The following SULT1B1 variants were observed in gnomAD, a reference collection of about 807,000 sequenced individuals.
SULT1B1 encodes sulfotransferase family 1B member 1.
A neutral mutation model predicts 34.6 loss-of-function variants in SULT1B1; 28 were observed. The ratio of observed to expected loss-of-function variants is 0.81; its 90% CI spans 0.60 to 1.11. The LOEUF (loss-of-function observed/expected upper bound fraction) is 1.11. Among genes scored for constraint, SULT1B1 ranks in the 50% least tolerant of loss-of-function variants. The pLI, the probability that SULT1B1 is intolerant of heterozygous loss-of-function variation, is 0.00. For missense variants in SULT1B1, 374 were observed against 352.2 expected (o/e 1.06, Z -0.50); for synonymous variants, 147 against 110.2 (o/e 1.33, Z -2.09).
chr4:69,757,862 G>T (rs1295695780), intron 1 of SULT1B1, among the ~76,000 whole-genome samples: 1 of 152,064 alleles, frequency 6.6e-6, no homozygotes, highest in Non-Finnish European at 1.5e-5. Flanking sequence ...GGAGTTGCAG[G>T]CCTCAAAAAC....
intron 1 of SULT1B1, among the ~76,000 whole-genome samples, chr4:69,759,170 A>G (rs1207413303): frequency 2.0e-5 from 3 of 152,204 alleles, no homozygotes; most frequent in Admixed American, 6.5e-5. Flanking sequence ...TGAAATGATA[A>G]GTCTTACTTG....
At chr4:69,750,886 GA>G (rs1167786590) in intron 3 of SULT1B1, among the ~76,000 whole-genome samples, 1 of 151,994 alleles carries the variant, frequency 6.6e-6, no homozygotes, top group Non-Finnish European at 1.5e-5. Context: ...TTAATATGAA[GA>G]AGCCTATTTA....
chr4:69,758,592 GT>G, intron 1 of SULT1B1: 3 of 494,484 alleles, frequency 6.1e-6, no homozygotes, highest in Non-Finnish European at 7.9e-6. Flanking sequence ...AGAATGTAAT[GT>G]TTAGTAGCAG....
chr4:69,749,839 T>C lies in SULT1B1; in HGVS notation c.278-21A>G, dbSNP rs762587868. On this transcript the variant is annotated intron_variant, in intron 3 of 7. Coordinates refer to ENST00000310613, the MANE Select transcript of SULT1B1 (RefSeq NM_014465.4). Reference sequence around the variant, plus strand: ...TATACCTGAGAAATTTAGTTAAGTATAGGGAAATATTAGAGTCTCCAGAAA... The same window carrying C: ...TATACCTGAGAAATTTAGTTAAGTACAGGGAAATATTAGAGTCTCCAGAAA... 5 of 1,576,610 alleles carry C rather than the reference T, an allele frequency of 3.2e-6. No individual in the cohort carries two copies. In the East Asian group the frequency reaches 9.0e-5, roughly 28 times the overall value.
chr4:69,755,553 C>T (rs1156231938), intron 1 of SULT1B1, among the ~76,000 whole-genome samples: 1 of 152,088 alleles, frequency 6.6e-6, no homozygotes, highest in East Asian at 1.9e-4. Flanking sequence ...ACAATCTGAA[C>T]AATCTGACTT....
intron 4 of SULT1B1, among the ~76,000 whole-genome samples, chr4:69,745,029 T>C (rs1171146363): frequency 6.6e-6 from 1 of 152,198 alleles, no homozygotes; most frequent in Non-Finnish European, 1.5e-5. Context: ...TCTGTGTAAT[T>C]GTAGGGTTTT....
chr4:69,734,641 G>A (rs1718226882), intron 4 of SULT1B1, among the ~76,000 whole-genome samples: 2 of 151,904 alleles, frequency 1.3e-5, no homozygotes, highest in South Asian at 4.2e-4. Flanking sequence ...TAACAAAATT[G>A]TGGGAAAAAA....
At chr4:69,737,645 CTG>C (rs1035581925) in intron 4 of SULT1B1, among the ~76,000 whole-genome samples, 4 of 152,116 alleles carry the variant, frequency 2.6e-5, no homozygotes, top group Non-Finnish European at 5.9e-5. Flanking sequence ...CACCATTAGA[CTG>C]TGATGAATTA....
intron 5 of SULT1B1, 51 bp downstream of exon 5, chr4:69,734,087 G>C: frequency 2.2e-6 from 3 of 1,367,152 alleles, no homozygotes; most frequent in South Asian, 1.5e-5. Context: ...ATTGTTAATA[G>C]TATTATTAAA....
rs950320776 is a variant in SULT1B1 at position 69,723,239 on chromosome 4, A to G, written c.*3849T>C. Reference sequence around the variant, plus strand: ...ATACAAACTACCGTCAGAGAATACTAAAAACACCTCTACGCAAATAAACTA... The same window carrying G: ...ATACAAACTACCGTCAGAGAATACTGAAAACACCTCTACGCAAATAAACTA... On this transcript the variant is annotated 3_prime_UTR_variant, in exon 8 of 8. Transcript: ENST00000310613. 27 of 152,150 alleles carry G rather than the reference A, an allele frequency of 1.8e-4. No homozygotes were observed. The highest frequency in any genetic ancestry group is 1.5e-5 in the Non-Finnish European group (1 of 68,010). The allele number at this position is 152,150 out of a possible 1,614,324, so 9.4% of individuals were successfully genotyped here.
At position 69,754,762 on chromosome 4, in the gene SULT1B1, A is replaced by G. The variant is rs753004952; in HGVS notation, c.185T>C (p.Leu62Pro). The part of the protein sequence containing the change: ...TWVSEIIDMI[L>P]NDGDIEKCKR... ...ACATTTTTCAATATCTCCATCATTT[A>G]GAATCATGTCTATAATTTCACTAAC... Residue 62 changes from leucine (L) to proline (P), a missense_variant, in exon 3 of 8, where the codon CTA becomes CCA. Physicochemically the swap from Leu to Pro is moderately conservative, Grantham distance 98. Coordinates refer to ENST00000310613, the MANE Select transcript of SULT1B1 (RefSeq NM_014465.4). The G allele has an allele frequency of 3.1e-6, 5 of 1,613,072 alleles. No individual in the cohort carries two copies. In the South Asian group the frequency reaches 5.5e-5, roughly 18 times the overall value.
At chr4:69,739,578 C>A (rs1367522596) in intron 4 of SULT1B1, among the ~76,000 whole-genome samples, 1 of 152,196 alleles carries the variant, frequency 6.6e-6, no homozygotes, top group African/African-American at 2.4e-5. Context: ...ATTTTTTCTT[C>A]CTAGGCCTCT....
chr4:69,747,497 C>G (rs1718796495), intron 4 of SULT1B1, among the ~76,000 whole-genome samples: 1 of 152,184 alleles, frequency 6.6e-6, no homozygotes, highest in Admixed American at 6.5e-5. Context: ...ATGGTCAGAT[C>G]AGACTGGCCC....
At chr4:69,734,567 T>TTA (rs1718224483) in intron 4 of SULT1B1, among the ~76,000 whole-genome samples, 1 of 152,046 alleles carries the variant, frequency 6.6e-6, no homozygotes, top group African/African-American at 2.4e-5. Context: ...ATCTGCAAGG[T>TTA]CCTAGAACAC....
chr4:69,734,308 A>T, intron 4 of SULT1B1, 44 bp from the exon 5 acceptor site: 2 of 1,581,956 alleles, frequency 1.3e-6, no homozygotes, highest in African/African-American at 1.4e-5. Flanking sequence ...AAGATAAAAG[A>T]CATTTTGTTT....
Position 69,725,365 on chromosome 4 carries a change from G to A in SULT1B1, c.*1723C>T, listed in dbSNP as rs1303294096. ...AGAATGGCAATCATTAAAAAGTCAG[G>A]AAACAACAGGTGCTGGAAAGGATGT... On this transcript the variant is annotated 3_prime_UTR_variant, in exon 8 of 8. Transcript: ENST00000310613. The A allele has an allele frequency of 6.6e-6, 1 of 152,084 alleles. No homozygotes were observed. The highest frequency in any genetic ancestry group is 1.9e-4 in the East Asian group (1 of 5,188). The allele number at this position is 152,084 out of a possible 1,614,324, so 9.4% of individuals were successfully genotyped here.
At position 69,754,705 on chromosome 4, in the gene SULT1B1, A is replaced by G. The variant is rs1464114155; in HGVS notation, c.242T>C (p.Met81Thr). 6 of 1,613,394 alleles carry G rather than the reference A, an allele frequency of 3.7e-6. No homozygotes were observed. Among genetic ancestry groups the G allele is most frequent in the Non-Finnish European group, 5.1e-6 (6 of 1,179,548 alleles). The change falls in exon 3 of 8, where the codon ATG (methionine) becomes ACG (threonine). Residue 81 changes from methionine (M) to threonine (T), a missense_variant. Met to Thr is a moderately conservative substitution (Grantham distance 81, BLOSUM62 -1). Transcript: ENST00000310613. ...TAATCCAGGGAGAGTCATTTCCAACATTGGAACTTTTTCAGTAATAAAACC... is the reference window on the plus strand; with the variant it reads ...TAATCCAGGGAGAGTCATTTCCAACGTTGGAACTTTTTCAGTAATAAAACC... ...KRGFITEKVP[M>T]LEMTLPGLRT...
In SULT1B1 at chr4:69,725,590, T is replaced by C. The variant is rs1376605972; in HGVS notation, c.*1498A>G. 1.3e-5 allele frequency: 2 copies of C among 152,166 alleles called. No homozygotes were observed. Among genetic ancestry groups the C allele is most frequent in the African/African-American group, 2.4e-5 (1 of 41,436 alleles). The allele number at this position is 152,166 out of a possible 1,614,324, so 9.4% of individuals were successfully genotyped here. A position where few individuals can be genotyped will look rare whatever the true frequency, so the allele number is the denominator to read the frequency against. On this transcript the variant is annotated 3_prime_UTR_variant, in exon 8 of 8. Transcript: ENST00000310613. The stretch of plus-strand genomic sequence containing the variant: ...TGCACACGTATATTTATTGCGGCAC[T>C]ATTCACAATAGCAAAGACTTGGAAC...
At chr4:69,736,231 T>C (rs1718303911) in intron 4 of SULT1B1, among the ~76,000 whole-genome samples, 2 of 152,146 alleles carry the variant, frequency 1.3e-5, no homozygotes, top group East Asian at 1.9e-4. Context: ...CTCACCACCA[T>C]AGGCTAAAGT....
Sources: allele counts gnomAD v4.1 joint callset (sites outside exome capture counted in the v4.1 genomes callset), GRCh38; gene constraint gnomAD v4.1.1; transcripts MANE v1.5; gene names NCBI Gene and HGNC (gene_info 2026-07-23, HGNC 2026-07-21).